The following DAP3 variants were observed in gnomAD, a reference collection of about 807,000 sequenced individuals.
The protein encoded by DAP3 is small ribosomal subunit protein mS29.
In DAP3, 28 loss-of-function variants were observed where a neutral mutation model predicts 51.9. The observed-to-expected ratio is 0.54, with a 90% CI of 0.40 to 0.74. The LOEUF is 0.74. DAP3 is among the 30% of genes least tolerant of loss of function. DAP3 has a pLI of 0.00. For synonymous variants in DAP3, 170 were observed against 170.3 expected, an observed-to-expected ratio of 1.00 and a Z score of 0.01; for missense variants, 458 against 483.5, an observed-to-expected ratio of 0.95 and a Z score of 0.49.
chr1:155,702,045 G>A (rs1328999181), intron 1 of DAP3, among the ~76,000 whole-genome samples: 3 of 144,544 alleles, frequency 2.1e-5, no homozygotes, highest in Non-Finnish European at 4.5e-5. Context: ...AAGACAAGTT[G>A]ACCCTAACTC....
chr1:155,725,575 T>C, intron 5 of DAP3, 85 bp downstream of exon 5: 2 of 1,314,248 alleles, frequency 1.5e-6, no homozygotes, highest in South Asian at 1.2e-5. Flanking sequence ...AAAAAAGTAC[T>C]GTTGAGGCCG....
rs1254239988 is a variant in DAP3, at chr1:155,736,955, G to A, written c.1003G>A (p.Asp335Asn). 4 of 1,613,242 alleles carry A rather than the reference G, an allele frequency of 2.5e-6. No individual in the cohort carries two copies. Among genetic ancestry groups the A allele is most frequent in the Non-Finnish European group, 2.5e-6 (3 of 1,179,244 alleles). ...CCTTTTTCTTCCCCAGGAAGGATTT[G>A]ATGCCCTGGATCCCTTTATTCCCAT... ...PQELLGKEGF[D>N]ALDPFIPILV... Residue 335 changes from aspartate (D) to asparagine (N), a missense_variant, in exon 12 of 13, where the codon GAT becomes AAT. Asp to Asn is a conservative substitution (Grantham distance 23). Coordinates refer to ENST00000368336, the MANE Select transcript of DAP3 (RefSeq NM_004632.4).
intron 2 of DAP3, among the ~76,000 whole-genome samples, chr1:155,716,722 G>A (rs1657378109): frequency 6.6e-6 from 1 of 152,046 alleles, no homozygotes; most frequent in East Asian, 1.9e-4. Flanking sequence ...GAGGCGGGCA[G>A]ATCACCTGAG....
chr1:155,725,921 C>T lies in DAP3; in HGVS notation c.380-6C>T, dbSNP rs762991592. 1 of 1,612,670 alleles carries T rather than the reference C, an allele frequency of 6.2e-7. No individual in the cohort carries two copies. Among genetic ancestry groups the T allele is most frequent in the Non-Finnish European group, 8.5e-7 (1 of 1,178,894 alleles). On this transcript the variant is annotated splice_polypyrimidine_tract_variant and splice_region_variant and intron_variant, in intron 5 of 12. Transcript: ENST00000368336. ...GTCATGTTTTCTTTAACAACATATA[C>T]TTTAGATGGAGAGAAGGGAACAGGA...
At chr1:155,688,144 C>T (rs527999089), upstream of DAP3, 5 of 1,613,632 alleles carry the variant, frequency 3.1e-6, no homozygotes, top group Admixed American at 6.7e-5. Flanking sequence ...TCCTCCGCTT[C>T]CCTGGGTCCA....
chr1:155,737,529 A>G (rs758483101), intron 12 of DAP3, among the ~76,000 whole-genome samples: 4 of 152,214 alleles, frequency 2.6e-5, no homozygotes, highest in African/African-American at 4.8e-5. Flanking sequence ...TCTGACTGAA[A>G]GCATTCCAAC....
At chr1:155,716,934 G>C in intron 2 of DAP3, 72 bp from the exon 3 acceptor site, 9 of 1,559,694 alleles carry the variant, frequency 5.8e-6, no homozygotes, top group Non-Finnish European at 7.8e-6. Context: ...GGCAACAAGA[G>C]AGAAACTCCA....
intron 1 of DAP3, among the ~76,000 whole-genome samples, chr1:155,691,834 G>T (rs1459825172): frequency 7.1e-6 from 1 of 141,288 alleles, no homozygotes; most frequent in Non-Finnish European, 1.5e-5. Context: ...TTAATTTTGG[G>T]GGACCAGTCT....
At chr1:155,724,878 T>G (rs1358070399) in intron 4 of DAP3, among the ~76,000 whole-genome samples, 3 of 149,476 alleles carry the variant, frequency 2.0e-5, no homozygotes, top group Non-Finnish European at 4.4e-5. Flanking sequence ...TCACTTGAAC[T>G]GGGAGGCAGA....
intron 12 of DAP3, 142 bp from the exon 13 acceptor site, chr1:155,738,015 G>T: frequency 1.4e-6 from 1 of 730,298 alleles, no homozygotes; most frequent in East Asian, 2.7e-5. Context: ...TTGGGGTGAG[G>T]GTCTAGAAGT....
At chr1:155,729,160 C>G (rs1417395133) in intron 8 of DAP3, 38 bp downstream of exon 8, 2 of 1,613,950 alleles carry the variant, frequency 1.2e-6, no homozygotes, top group East Asian at 4.5e-5. Flanking sequence ...CATGCGATAA[C>G]AAGAGAAGGC....
At chr1:155,725,159 GCTGA>G (rs999893562) in intron 4 of DAP3, among the ~76,000 whole-genome samples, 3 of 152,122 alleles carry the variant, frequency 2.0e-5, no homozygotes, top group African/African-American at 7.2e-5. Flanking sequence ...ATAATCAAAA[GCTGA>G]CTATCATGTT....
intron 1 of DAP3, among the ~76,000 whole-genome samples, chr1:155,698,198 C>T (rs765394800): frequency 1.3e-5 from 2 of 152,012 alleles, no homozygotes; most frequent in Admixed American, 6.5e-5. Context: ...ACATCCCCAG[C>T]TTACGAAGAT....
intron 9 of DAP3, 110 bp downstream of exon 9, chr1:155,729,476 T>C: frequency 7.2e-7 from 1 of 1,398,350 alleles, no homozygotes; most frequent in Non-Finnish European, 9.7e-7. Flanking sequence ...GCCCTAGGAA[T>C]ATTTGAAGAT....
At chr1:155,694,718 A>T (rs753501824) in intron 1 of DAP3, among the ~76,000 whole-genome samples, 9 of 152,128 alleles carry the variant, frequency 5.9e-5, no homozygotes, top group Non-Finnish European at 1.2e-4. Context: ...AGGTACCCAA[A>T]CTGGAAGCTG....
At chr1:155,720,471 A>G (rs1657862858) in intron 3 of DAP3, among the ~76,000 whole-genome samples, 1 of 151,312 alleles carries the variant, frequency 6.6e-6, no homozygotes, top group South Asian at 2.1e-4. Context: ...AAACATGGAG[A>G]AACCCTGTCT....
At chr1:155,688,496 G>C, upstream of DAP3, 8 of 1,548,780 alleles carry the variant, frequency 5.2e-6, no homozygotes, top group Non-Finnish European at 7.0e-6. Flanking sequence ...ACGCGTACGA[G>C]TGTCTACGGG....
chr1:155,702,968 C>T (rs900467429), intron 1 of DAP3, among the ~76,000 whole-genome samples: 1 of 151,546 alleles, frequency 6.6e-6, no homozygotes, highest in Non-Finnish European at 1.5e-5. Flanking sequence ...GACTCCGTTT[C>T]AAGAAAAAAA....
chr1:155,711,898 G>A (rs968406356), intron 2 of DAP3, among the ~76,000 whole-genome samples: 6 of 151,274 alleles, frequency 4.0e-5, no homozygotes, highest in African/African-American at 9.8e-5. Flanking sequence ...TCCAGTGTTC[G>A]AGGGCGGGAA....
Sources: allele counts gnomAD v4.1 joint callset (sites outside exome capture counted in the v4.1 genomes callset), GRCh38; gene constraint gnomAD v4.1.1; transcripts MANE v1.5; gene names NCBI Gene and HGNC (gene_info 2026-07-23, HGNC 2026-07-21).